LOC122539214: variants seen among roughly 807,000 people sequenced by gnomAD.
the LOC122539214 span, among the ~76,000 whole-genome samples, chr19:52,659,876 G>C: frequency 7.8e-3 from 1,184 of 152,262 alleles, 21 homozygotes; most frequent in African/African-American, 0.028. Context: ...TCACCCAAGA[G>C]GGAGCTCCTG....
chr19:52,685,300 C>G, the LOC122539214 span, among the ~76,000 whole-genome samples: 1 of 152,072 alleles, frequency 6.6e-6, no homozygotes, highest in Admixed American at 6.6e-5. Flanking sequence ...CTGAGAAGAT[C>G]TGAGATGAGT....
chr19:52,683,529 A>ACTCT, the LOC122539214 span, among the ~76,000 whole-genome samples: 3 of 20,388 alleles, frequency 1.5e-4, no homozygotes, highest in African/African-American at 8.6e-4. Context: ...TCCAAAGGGA[A>ACTCT]GGGCAAAGTC....
At chr19:52,669,845 C>T in the LOC122539214 span, among the ~76,000 whole-genome samples, 1 of 152,156 alleles carries the variant, frequency 6.6e-6, no homozygotes, top group Non-Finnish European at 1.5e-5. Context: ...CTAAAATCTC[C>T]CTTAACTATC....
chr19:52,663,089 G>A, the LOC122539214 span, among the ~76,000 whole-genome samples: 1 of 151,992 alleles, frequency 6.6e-6, no homozygotes, highest in Non-Finnish European at 1.5e-5. Context: ...CTTGGACCTG[G>A]GAAGCAGAGG....
chr19:52,672,200 C>T, the LOC122539214 span, among the ~76,000 whole-genome samples: 1 of 152,078 alleles, frequency 6.6e-6, no homozygotes, highest in Non-Finnish European at 1.5e-5. Context: ...CACCACAGCT[C>T]TCCAGCCTGA....
chr19:52,677,462 G>T, the LOC122539214 span, among the ~76,000 whole-genome samples: 3 of 151,936 alleles, frequency 2.0e-5, no homozygotes, highest in Non-Finnish European at 2.9e-5. Flanking sequence ...CACCAGCATG[G>T]GTGACAGAGT....
chr19:52,661,029 T>G, the LOC122539214 span, among the ~76,000 whole-genome samples: 2 of 151,998 alleles, frequency 1.3e-5, no homozygotes, highest in Non-Finnish European at 2.9e-5. Context: ...GATGCACAGC[T>G]AATTTTTGTA....
At chr19:52,681,402 C>A in the LOC122539214 span, among the ~76,000 whole-genome samples, 6 of 150,602 alleles carry the variant, frequency 4.0e-5, no homozygotes, top group African/African-American at 1.5e-4. Flanking sequence ...CTAGAGAGGA[C>A]AAAGTCCAAT....
the LOC122539214 span, among the ~76,000 whole-genome samples, chr19:52,687,366 A>AATTTATATAGCT: frequency 3.5e-5 from 2 of 56,542 alleles, no homozygotes; most frequent in African/African-American, 4.5e-4. Flanking sequence ...TATAAATTAT[A>AATTTATATAGCT]ATATAAATTA....
At chr19:52,663,918 C>T in the LOC122539214 span, among the ~76,000 whole-genome samples, 128 of 152,314 alleles carry the variant, frequency 8.4e-4, no homozygotes, top group African/African-American at 2.8e-3. Flanking sequence ...GACGGAGTCT[C>T]GCTCTGTTGC....
the LOC122539214 span, among the ~76,000 whole-genome samples, chr19:52,666,922 A>T: frequency 1.2e-4 from 18 of 152,200 alleles, no homozygotes; most frequent in African/African-American, 3.6e-4. Context: ...GAGTTAGGAA[A>T]ATTGCCTAAT....
chr19:52,661,229 C>G, the LOC122539214 span, among the ~76,000 whole-genome samples: 1 of 152,066 alleles, frequency 6.6e-6, no homozygotes, highest in Non-Finnish European at 1.5e-5. Context: ...GAGACCTTAC[C>G]CGGTATAAAG....
the LOC122539214 span, among the ~76,000 whole-genome samples, chr19:52,689,282 T>C: frequency 7.9e-5 from 12 of 152,210 alleles, no homozygotes; most frequent in African/African-American, 2.4e-4. Flanking sequence ...TTCTCTCATA[T>C]TGGTCTCTCC....
the LOC122539214 span, among the ~76,000 whole-genome samples, chr19:52,665,526 C>T: frequency 6.6e-6 from 1 of 152,246 alleles, no homozygotes; most frequent in South Asian, 2.1e-4. Context: ...TTCTAAATTT[C>T]TCTTCAAAGA....
the LOC122539214 span, among the ~76,000 whole-genome samples, chr19:52,684,363 A>G: frequency 1.3e-5 from 2 of 151,920 alleles, no homozygotes; most frequent in South Asian, 4.2e-4. Context: ...GAGACTCAAA[A>G]ATAAAATATA....
chr19:52,686,134 T>A, the LOC122539214 span, among the ~76,000 whole-genome samples: 2 of 152,164 alleles, frequency 1.3e-5, no homozygotes, highest in Non-Finnish European at 2.9e-5. Context: ...ACTGACATCT[T>A]TACCAGGTAC....
chr19:52,668,883 GCTCT>G, the LOC122539214 span, among the ~76,000 whole-genome samples: 1,906 of 152,250 alleles, frequency 0.013, 39 homozygotes, highest in African/African-American at 0.043. Flanking sequence ...GTTATGCCAA[GCTCT>G]CTCTGTCTGC....
the LOC122539214 span, chr19:52,655,458 C>G: frequency 1.0e-5 from 11 of 1,104,778 alleles, no homozygotes; most frequent in Admixed American, 1.0e-4. Context: ...ACATGTACAT[C>G]AAAAGCATGT....
At chr19:52,653,601 T>G in the LOC122539214 span, among the ~76,000 whole-genome samples, 1,126 of 151,716 alleles carry the variant, frequency 7.4e-3, 4 homozygotes, top group African/African-American at 0.024. Context: ...TACGATGCCC[T>G]ACAAGGGATG....
Sources: gnomAD v4.1 joint callset for allele counts (sites outside exome capture counted in the v4.1 genomes callset) on GRCh38, gnomAD v4.1.1 for gene constraint, MANE v1.5 for transcripts.